Variants in COL2A1 observed in about 807,000 individuals in gnomAD.
COL2A1 encodes collagen alpha-1(II) chain.
COL2A1 carries 28 observed loss-of-function variants against 204.5 expected under a neutral mutation model. The observed-to-expected ratio is 0.14, with a 90% CI of 0.10 to 0.19. The LOEUF (loss-of-function observed/expected upper bound fraction) is 0.19. Ranked by LOEUF, COL2A1 falls within the 10% of genes least tolerant of loss-of-function variation. The pLI is 1.00. For synonymous variants in COL2A1, 708 were observed against 718.7 expected (o/e 0.99, Z 0.24); for missense variants, 1,388 against 2,027.5 (o/e 0.68, Z 6.06).
In COL2A1 at chr12:47,974,301, T is replaced by C; in HGVS notation, c.4105A>G (p.Asn1369Asp). ...FSYGDDNLAP[N>D]TANVQMTFLR... ...AAGGTCATCTGGACGTTGGCAGTGT[T>C]GGGAGCCAGATTGTCATCTCCATAG... The change falls in exon 53 of 54, where the codon AAC (asparagine) becomes GAC (aspartate). Residue 1369 changes from asparagine (N) to aspartate (D), a missense_variant. This residue lies in a region of COL2A1 where 303 missense variants were observed against 369.2 expected (regional missense o/e 0.82). Transcript: ENST00000380518. 1 of 1,614,144 alleles carries C rather than the reference T, an allele frequency of 6.2e-7. No homozygotes were observed. Among genetic ancestry groups the C allele is most frequent in the Non-Finnish European group, 8.5e-7 (1 of 1,180,032 alleles).
At position 47,973,513 on chromosome 12, in the gene COL2A1, C is replaced by T. The variant is rs770494878; in HGVS notation, c.4358G>A (p.Arg1453Gln). ...GGGGAGGCGTGAGGTCTTCTGTGAC[C>T]GGTACTCGATAACAGTCTTGCCCCA... Reference protein sequence around the residue: ...GKWGKTVIEYRSQKTSRLPII... With the variant: ...GKWGKTVIEYQSQKTSRLPII... The change falls in exon 54 of 54, where the codon CGG becomes CAG. Residue 1453 changes from arginine to glutamine, a missense_variant. Physicochemically the swap from Arg to Gln is conservative, Grantham distance 43 (BLOSUM62 1). Around this residue, in one of 3 missense-constraint regions of COL2A1, gnomAD observed 303 missense variants for 369.2 expected, o/e 0.82. Transcript: ENST00000380518. 29 of 1,614,096 alleles carry T rather than the reference C, an allele frequency of 1.8e-5. No homozygotes were observed. The highest frequency in any genetic ancestry group is 2.3e-5 in the Non-Finnish European group (27 of 1,180,022).
intron 16 of COL2A1, among the ~76,000 whole-genome samples, chr12:47,990,377 G>A (rs908774185): frequency 1.1e-4 from 16 of 152,170 alleles, no homozygotes; most frequent in Non-Finnish European, 1.6e-4. Context: ...CCAAATATCC[G>A]TAACTTCAAG....
chr12:47,974,882 C>A lies in COL2A1; in HGVS notation c.3887-20G>T. On this transcript the variant is annotated intron_variant, in intron 51 of 53. Coordinates refer to ENST00000380518, the MANE Select transcript of COL2A1 (RefSeq NM_001844.5). ...AGTCTCCTGCAGGGGGAAGAGGCAG[C>A]ACCCATGGGGGCTCAGACAGGCACA... 1 of 1,609,346 alleles carries A rather than the reference C, an allele frequency of 6.2e-7. No homozygotes were observed. The highest frequency in any genetic ancestry group is 8.5e-7 in the Non-Finnish European group (1 of 1,177,170).
chr12:48,004,531 C>A (rs531053868), upstream of COL2A1: 181 of 493,452 alleles, frequency 3.7e-4, no homozygotes, highest in African/African-American at 3.4e-3. Flanking sequence ...TCGAGGCTGG[C>A]GAACTCGCCC....
chr12:47,977,981 G>T, intron 44 of COL2A1, 29 bp downstream of exon 44: 1 of 1,597,794 alleles, frequency 6.3e-7, no homozygotes, highest in Non-Finnish European at 8.6e-7. Flanking sequence ...TCCCCAATCA[G>T]GGCCACCCCA....
At position 47,976,105 on chromosome 12, in the gene COL2A1, C is replaced by T; in HGVS notation, c.3490-35G>A. The T allele has an allele frequency of 1.3e-6, 2 of 1,507,556 alleles. No homozygotes were observed. The highest frequency in any genetic ancestry group is 1.4e-5 in the African/African-American group (1 of 72,784). 93.4% of individuals were successfully genotyped at this position (1,507,556 alleles called of 1,614,324 possible). A position where few individuals can be genotyped will look rare whatever the true frequency, so the allele number is the denominator to read the frequency against. On this transcript the variant is annotated intron_variant, in intron 49 of 53. Transcript: ENST00000380518. This position sits in a 1 kb window ranked among gnomAD's most constrained non-coding sequence, Gnocchi z 4.3. The stretch of plus-strand genomic sequence containing the variant: ...AGAGAGGTCGTGAGGAAAGAGTGGT[C>T]ACCACAGGGAAGGCTGGGGAGTCGC...
rs1420557359 is a variant in COL2A1 at position 47,976,126 on chromosome 12, GTCGC to G, written c.3490-60_3490-57del. On this transcript the variant is annotated intron_variant, in intron 49 of 53. Coordinates refer to ENST00000380518, the MANE Select transcript of COL2A1 (RefSeq NM_001844.5). This position sits in a 1 kb window ranked among gnomAD's most constrained non-coding sequence, Gnocchi z 4.3. Reference sequence around the variant, plus strand: ...TGGTCACCACAGGGAAGGCTGGGGAGTCGCTGGGGCTGGGTAGGTGGCTGTCCTG... The same window carrying G: ...TGGTCACCACAGGGAAGGCTGGGGAGTGGGGCTGGGTAGGTGGCTGTCCTG... 2 of 1,310,732 alleles carry G rather than the reference GTCGC, an allele frequency of 1.5e-6. No individual in the cohort carries two copies. Among genetic ancestry groups the G allele is most frequent in the Non-Finnish European group, 2.2e-6 (2 of 903,208 alleles). The allele number at this position is 1,310,732 out of a possible 1,614,324, so 81.2% of individuals were successfully genotyped here.
Position 47,975,977 on chromosome 12 carries a change from C to T in COL2A1, c.3583G>A (p.Glu1195Lys), listed in dbSNP as rs1186663188. 9 of 1,613,514 alleles carry T rather than the reference C, an allele frequency of 5.6e-6. No homozygotes were observed. In the East Asian group the frequency reaches 6.7e-5, roughly 12 times the overall value. ...GPPGPRGRSG[E>K]TGPAGPPGNP... ...AGGACACTTACAGCAGGGCCGGTTT[C>T]GCCTGATCGTCCACGGGGACCAGGA... The change falls in exon 50 of 54, where the codon GAA (glutamate) becomes AAA (lysine). Residue 1195 changes from glutamate to lysine, a missense_variant. Transcript: ENST00000380518.
chr12:48,001,717 C>A (rs1218681739), intron 1 of COL2A1, among the ~76,000 whole-genome samples: 1 of 152,190 alleles, frequency 6.6e-6, no homozygotes. Flanking sequence ...CGCTCACAGA[C>A]ACCGGGAGAG....
At chr12:48,004,164 A>T in intron 1 of COL2A1, 73 bp downstream of exon 1, 1 of 1,186,570 alleles carries the variant, frequency 8.4e-7, no homozygotes, top group Non-Finnish European at 1.2e-6. Context: ...CCAGAGCTGG[A>T]GCGGGCCGGG....
Position 47,996,652 on chromosome 12 carries a change from A to T in COL2A1, c.532-27T>A, listed in dbSNP as rs41317883. 52,517 of 1,601,660 alleles carry T rather than the reference A, an allele frequency of 0.033. 1,035 individuals are homozygous for T. The highest frequency in any genetic ancestry group is 0.039 in the Non-Finnish European group (45,349 of 1,168,746). On this transcript the variant is annotated intron_variant, in intron 7 of 53. Transcript: ENST00000380518. ...TGCAAAGAAACCCAACAACGTTAGG[A>T]GGTTGAAAGGCACTAGGTCTTCCCT...
In COL2A1 at chr12:47,977,874, C is replaced by T. The variant is rs1565670989; in HGVS notation, c.3111+136G>A. The T allele has an allele frequency of 3.2e-6, 3 of 951,530 alleles. No homozygotes were observed. The South Asian group carries it at 4.3e-5, about 14-fold the overall frequency. 58.9% of individuals were successfully genotyped at this position (951,530 alleles called of 1,614,324 possible). ...CGACAACCTTCCCATTGTACCTAGG[C>T]TTTCAGGCCTGTCGGCCGACACTGC... On this transcript the variant is annotated intron_variant, in intron 44 of 53. Transcript: ENST00000380518.
intron 33 of COL2A1, 91 bp downstream of exon 33, chr12:47,982,757 C>T: frequency 7.4e-7 from 1 of 1,349,702 alleles, no homozygotes; most frequent in Non-Finnish European, 1.1e-6. Flanking sequence ...CACTTCTGTT[C>T]TTCATTCCTC....
At chr12:47,974,362 C>T in intron 52 of COL2A1, 31 bp from the exon 53 acceptor site, 3 of 1,611,896 alleles carry the variant, frequency 1.9e-6, no homozygotes, top group Non-Finnish European at 2.5e-6. Context: ...AGTGTGAGGC[C>T]TGGGAGCTGG....
At chr12:48,003,920 G>A (rs1940349412) in intron 1 of COL2A1, among the ~76,000 whole-genome samples, 1 of 152,202 alleles carries the variant, frequency 6.6e-6, no homozygotes, top group African/African-American at 2.4e-5. Context: ...ATCAAAGCTG[G>A]TGGAAAAGAG....
intron 2 of COL2A1, chr12:47,999,647 T>TTTTTC (rs1490099044): frequency 1.5e-5 from 3 of 194,210 alleles, no homozygotes; most frequent in African/African-American, 7.2e-5. Flanking sequence ...TTTTTTTTTT[T>TTTTTC]TTTTTTGTAG....
At position 47,976,985 on chromosome 12, in the gene COL2A1, C is replaced by T; in HGVS notation, c.3328-66G>A. 2 of 1,537,158 alleles carry T rather than the reference C, an allele frequency of 1.3e-6. No homozygotes were observed. Among genetic ancestry groups the T allele is most frequent in the Non-Finnish European group, 1.8e-6 (2 of 1,127,862 alleles). Reference sequence around the variant, plus strand: ...AGGACAGGAGCCCCCTCCTGTCCCACCCAAGCTGAGGAATCCCCGGAAACA... The same window carrying T: ...AGGACAGGAGCCCCCTCCTGTCCCATCCAAGCTGAGGAATCCCCGGAAACA... On this transcript the variant is annotated intron_variant, in intron 47 of 53. Transcript: ENST00000380518. This position sits in a 1 kb window ranked among gnomAD's most constrained non-coding sequence, Gnocchi z 4.3.
intron 26 of COL2A1, 127 bp from the exon 27 acceptor site, chr12:47,985,220 T>C: frequency 3.8e-6 from 3 of 793,260 alleles, no homozygotes; most frequent in African/African-American, 3.4e-5. Flanking sequence ...GCATCTAGGA[T>C]TGACCACATC....
Position 47,974,347 on chromosome 12 carries a change from G to A in COL2A1, c.4075-16C>T, listed in dbSNP as rs754586103. On this transcript the variant is annotated splice_polypyrimidine_tract_variant and intron_variant, in intron 52 of 53. Transcript: ENST00000380518. Reference sequence around the variant, plus strand: ...CATAGCTGAACTGTTGGGGCAGAGAGCGGCAGTGTGAGGCCTGGGAGCTGG... The same window carrying A: ...CATAGCTGAACTGTTGGGGCAGAGAACGGCAGTGTGAGGCCTGGGAGCTGG... The A allele has an allele frequency of 2.4e-5, 38 of 1,613,222 alleles. No individual in the cohort carries two copies. Among genetic ancestry groups the A allele is most frequent in the Middle Eastern group, 1.7e-4 (1 of 5,986 alleles).
Sources: gnomAD v4.1 joint callset for allele counts (sites outside exome capture counted in the v4.1 genomes callset) on GRCh38, gnomAD v4.1.1 for gene constraint, gnomAD v4.1.1 regional missense constraint, Gnocchi (gnomAD v3.1) non-coding constraint, MANE v1.5 for transcripts, NCBI Gene and HGNC (gene_info 2026-07-23, HGNC 2026-07-21) for gene names.